The following CYP11A1 variants were observed in gnomAD, a reference collection of about 807,000 sequenced individuals.
The protein encoded by CYP11A1 is cytochrome P450 family 11 subfamily A member 1.
A neutral mutation model predicts 51.9 loss-of-function variants in CYP11A1; 25 were observed. That is an observed-to-expected ratio of 0.48 (90% CI 0.35 to 0.67). The LOEUF is 0.67. CYP11A1 is among the 30% of genes least tolerant of loss of function. The pLI is 0.00. For synonymous variants in CYP11A1, 245 were observed against 262.1 expected, an observed-to-expected ratio of 0.93 and a Z score of 0.63; for missense variants, 578 against 680.9, an observed-to-expected ratio of 0.85 and a Z score of 1.68.
intron 1 of CYP11A1, chr15:74,366,009 C>A: frequency 2.0e-6 from 2 of 986,286 alleles, no homozygotes; most frequent in South Asian, 4.6e-5. Context: ...TCCGCGGGGC[C>A]GAGCGCCTGG....
chr15:74,365,904 G>A lies in CYP11A1; in HGVS notation c.269+1413C>T, dbSNP rs557032774. On this transcript the variant is annotated intron_variant, in intron 1 of 8. Transcript: ENST00000268053. Reference sequence around the variant, plus strand: ...GGGCCAGCGAAGCCAGTGCTCCAGCGCCCCCGTAACACCTCAAAGCGCACG... The same window carrying A: ...GGGCCAGCGAAGCCAGTGCTCCAGCACCCCCGTAACACCTCAAAGCGCACG... The A allele has an allele frequency of 1.6e-4, 158 of 985,680 alleles. No individual in the cohort carries two copies. In the African/African-American group the frequency reaches 2.4e-3, roughly 15 times the overall value. The allele number at this position is 985,680 out of a possible 1,614,324, so 61.1% of individuals were successfully genotyped here.
chr15:74,344,013 T>A, intron 3 of CYP11A1, 21 bp from the exon 4 acceptor site: 2 of 1,611,286 alleles, frequency 1.2e-6, no homozygotes, highest in Non-Finnish European at 1.7e-6. Context: ...AGGAAGAGGC[T>A]GAGGAGCCAT....
Position 74,339,761 on chromosome 15 carries a change from G to A in CYP11A1, c.991-8C>T. Reference sequence around the variant, plus strand: ...CTGCAGGGTCATGGACGTCTGGTGGGGAGTAGGGTATACAGAAGACCAGGA... The same window carrying A: ...CTGCAGGGTCATGGACGTCTGGTGGAGAGTAGGGTATACAGAAGACCAGGA... On this transcript the variant is annotated splice_polypyrimidine_tract_variant and splice_region_variant and intron_variant, in intron 5 of 8. Coordinates refer to ENST00000268053, the MANE Select transcript of CYP11A1 (RefSeq NM_000781.3). 3 of 1,614,050 alleles carry A rather than the reference G, an allele frequency of 1.9e-6. No homozygotes were observed. Among genetic ancestry groups the A allele is most frequent in the Middle Eastern group, 1.6e-4 (1 of 6,062 alleles).
rs1178742534 is a variant in CYP11A1, at chr15:74,345,582, C to A, written c.426-339G>T. ...TTTGCCTCAGCTGCAGGCATGCCTT[C>A]CATGCCACTCCCACTTCCTCCTGGC... On this transcript the variant is annotated intron_variant, in intron 2 of 8. Transcript: ENST00000268053. This position sits in a 1 kb window ranked among gnomAD's most constrained non-coding sequence, Gnocchi z 4.3. Among the ~76,000 whole-genome samples the A allele has an allele frequency of 1.3e-5, 2 of 152,166 alleles. No homozygotes were observed. The highest frequency in any genetic ancestry group is 2.9e-5 in the Non-Finnish European group (2 of 68,032).
At position 74,348,163 on chromosome 15, in the gene CYP11A1, A is replaced by C. The variant is rs148872528; in HGVS notation, c.270-108T>G. The C allele has an allele frequency of 3.5e-4, 461 of 1,300,448 alleles. 1 individual carries two copies. The African/African-American group carries it at 5.5e-3, about 16-fold the overall frequency. The allele number at this position is 1,300,448 out of a possible 1,614,324, so 80.6% of individuals were successfully genotyped here. A position where few individuals can be genotyped will look rare whatever the true frequency, so the allele number is the denominator to read the frequency against. On this transcript the variant is annotated intron_variant, in intron 1 of 8. Coordinates refer to ENST00000268053, the MANE Select transcript of CYP11A1 (RefSeq NM_000781.3). ...CACAACTTGCTGACTGTGGGACCTG[A>C]GTCGAGGCCCTTAACCCCTCTGAGT...
chr15:74,343,615 AGCCTTCCATCC>A (rs2060618258), intron 4 of CYP11A1, among the ~76,000 whole-genome samples, 163 bp downstream of exon 4: 1 of 152,198 alleles, frequency 6.6e-6, no homozygotes, highest in South Asian at 2.1e-4. Context: ...CCCAACAGCC[AGCCTTCCATCC>A]GCCATTTCCA....
intron 1 of CYP11A1, among the ~76,000 whole-genome samples, chr15:74,350,528 G>C (rs1567054623): frequency 6.6e-6 from 1 of 152,158 alleles, no homozygotes. Context: ...TATGTTGCAA[G>C]ATTCAGATGG....
intron 3 of CYP11A1, chr15:74,344,797 C>T (rs1287711689): frequency 2.2e-5 from 12 of 553,560 alleles, no homozygotes; most frequent in African/African-American, 3.8e-5. Context: ...CTTGCTCCTA[C>T]AGCACAAATG....
In CYP11A1 at chr15:74,367,506, A is replaced by G. The variant is rs1440013871; in HGVS notation, c.80T>C (p.Leu27Pro). Reference protein sequence around the residue: ...QTFLSAPREGLGRLRVPTGEG... With the variant: ...QTFLSAPREGPGRLRVPTGEG... Reference sequence around the variant, plus strand: ...GCCAGTGGGCACCCTGAGACGCCCCAGCCCCTCCCTGGGGGCACTCAGAAA... The same window carrying G: ...GCCAGTGGGCACCCTGAGACGCCCCGGCCCCTCCCTGGGGGCACTCAGAAA... The change falls in exon 1 of 9, where the codon CTG (leucine) becomes CCG (proline). Residue 27 changes from leucine (L) to proline (P), a missense_variant. Leu to Pro is a moderately conservative substitution (Grantham distance 98). Transcript: ENST00000268053. 2 of 1,614,154 alleles carry G rather than the reference A, an allele frequency of 1.2e-6. No homozygotes were observed. The highest frequency in any genetic ancestry group is 1.7e-6 in the Non-Finnish European group (2 of 1,179,980).
At chr15:74,352,042 G>T (rs897278886) in intron 1 of CYP11A1, among the ~76,000 whole-genome samples, 1 of 152,100 alleles carries the variant, frequency 6.6e-6, no homozygotes, top group African/African-American at 2.4e-5. Context: ...GTGTTTATTT[G>T]TATGTACACA....
At chr15:74,339,213 C>T (rs773840614) in intron 7 of CYP11A1, 24 bp downstream of exon 7, 19 of 1,589,314 alleles carry the variant, frequency 1.2e-5, no homozygotes, top group East Asian at 2.2e-5. Context: ...CTGGCAGAGC[C>T]TGCAGCCTGC....
At chr15:74,361,656 T>G (rs2060709503) in intron 1 of CYP11A1, 3 of 1,205,836 alleles carry the variant, frequency 2.5e-6, no homozygotes, top group South Asian at 2.4e-5. Context: ...AGCAGAAAAC[T>G]TTCATGCTCT....
chr15:74,354,030 A>T (rs114707990), intron 1 of CYP11A1, among the ~76,000 whole-genome samples: 3,333 of 152,144 alleles, frequency 0.022, 89 homozygotes, highest in African/African-American at 0.066. Context: ...TATTTCTCTC[A>T]CTCTGCCTAG....
At chr15:74,338,146 ATC>A (rs763574894) in intron 8 of CYP11A1, 43 bp from the exon 9 acceptor site, 2 of 1,613,256 alleles carry the variant, frequency 1.2e-6, no homozygotes, top group South Asian at 2.2e-5. Context: ...GCAGGGGAGG[ATC>A]TGTCTCCCTA....
intron 7 of CYP11A1, 141 bp downstream of exon 7, chr15:74,339,096 A>C (rs1225134331): frequency 1.3e-6 from 1 of 764,666 alleles, no homozygotes; most frequent in Admixed American, 2.0e-5. Flanking sequence ...CACCATGCCC[A>C]CCACCTCTGC....
rs2060640302 is a variant in CYP11A1 at position 74,348,069 on chromosome 15, GGA to G, written c.270-16_270-15del. 2 of 1,613,816 alleles carry G rather than the reference GGA, an allele frequency of 1.2e-6. No homozygotes were observed. The highest frequency in any genetic ancestry group is 1.7e-6 in the Non-Finnish European group (2 of 1,179,898). The stretch of plus-strand genomic sequence containing the variant: ...CCGAGCTTCTCCCTGGAGGGGTGGG[GGA>G]GAGGGGCTGATGGAAGGATCCGAGG... On this transcript the variant is annotated splice_polypyrimidine_tract_variant and intron_variant, in intron 1 of 8. Coordinates refer to ENST00000268053, the MANE Select transcript of CYP11A1 (RefSeq NM_000781.3).
intron 2 of CYP11A1, 57 bp downstream of exon 2, chr15:74,347,843 C>A: frequency 6.3e-7 from 1 of 1,597,164 alleles, no homozygotes. Flanking sequence ...AGCCTCTGCC[C>A]TCTCCACAGC....
intron 1 of CYP11A1, among the ~76,000 whole-genome samples, chr15:74,360,384 C>A (rs967288567): frequency 4.6e-5 from 7 of 152,036 alleles, no homozygotes; most frequent in African/African-American, 7.2e-5. Flanking sequence ...CAGATTCAAG[C>A]AATTCTCTGC....
At chr15:74,348,123 G>C in intron 1 of CYP11A1, 68 bp from the exon 2 acceptor site, 5 of 1,564,342 alleles carry the variant, frequency 3.2e-6, no homozygotes, top group Non-Finnish European at 4.4e-6. Context: ...GCTCAGCACA[G>C]CTGCCTCACA....
Sources: gnomAD v4.1 joint callset for allele counts (sites outside exome capture counted in the v4.1 genomes callset) on GRCh38, gnomAD v4.1.1 for gene constraint, Gnocchi (gnomAD v3.1) non-coding constraint, MANE v1.5 for transcripts, NCBI Gene and HGNC (gene_info 2026-07-23, HGNC 2026-07-21) for gene names.